ESR1: variants seen among roughly 807,000 people sequenced by gnomAD.
ESR1 encodes estrogen receptor 1.
Under a neutral mutation model 52.7 loss-of-function variants are expected in ESR1, and 12 were observed. The ratio of observed to expected loss-of-function variants is 0.23; its 90% CI spans 0.15 to 0.37. ESR1 has a LOEUF of 0.37. Ranked by LOEUF, ESR1 falls within the 10% of genes least tolerant of loss-of-function variation. The probability of loss-of-function intolerance (pLI) is 1.00; values close to 1 mark genes in which losing one functional copy is unlikely to be tolerated. For missense variants in ESR1, 584 were observed against 779.7 expected (o/e 0.75, Z 2.99); for synonymous variants, 305 against 316.8 (o/e 0.96, Z 0.39).
intron 3 of ESR1, among the ~76,000 whole-genome samples, chr6:151,938,668 T>G (rs1562569857): frequency 6.6e-6 from 1 of 152,176 alleles, no homozygotes; most frequent in Non-Finnish European, 1.5e-5. Context: ...TCATTCCTAT[T>G]GCCTGAGTTT....
chr6:151,894,470 T>C (rs574113625), intron 3 of ESR1, among the ~76,000 whole-genome samples: 56 of 152,348 alleles, frequency 3.7e-4, no homozygotes, highest in African/African-American at 1.2e-3. Flanking sequence ...CCTAAGCCCA[T>C]GTCTAGAAGG....
At chr6:151,692,362 A>G (rs976847951) in intron 1 of ESR1, among the ~76,000 whole-genome samples, 2 of 152,160 alleles carry the variant, frequency 1.3e-5, no homozygotes, top group African/African-American at 4.8e-5. Flanking sequence ...CATTTATCCT[A>G]GTTGCTCAGA....
rs961590480 is a variant in ESR1, at chr6:152,053,423, T to G, written c.1236-7568T>G. 2.0e-5 allele frequency among the ~76,000 whole-genome samples: 3 copies of G among 152,046 alleles called. No individual in the cohort carries two copies. Among genetic ancestry groups the G allele is most frequent in the Admixed American group, 2.0e-4 (3 of 15,262 alleles). ...GCCCCTTCCTCCTTCTGTCTCTCCCTCTCTCTTTCAATCTTTCTCTCCCTC... is the reference window on the plus strand; with the variant it reads ...GCCCCTTCCTCCTTCTGTCTCTCCCGCTCTCTTTCAATCTTTCTCTCCCTC... On this transcript the variant is annotated intron_variant, in intron 5 of 7. Transcript: ENST00000206249. The surrounding 1 kb of genome is among the most constrained non-coding windows in gnomAD (Gnocchi z 4.1).
intron 4 of ESR1, among the ~76,000 whole-genome samples, chr6:151,998,506 G>C (rs549486484): frequency 3.9e-5 from 6 of 152,058 alleles, no homozygotes; most frequent in Non-Finnish European, 8.8e-5. Context: ...CCTTCCTAGT[G>C]AGTCTAGCAC....
intron 1 of ESR1, among the ~76,000 whole-genome samples, chr6:151,659,960 T>C (rs907110202): frequency 9.9e-5 from 15 of 152,212 alleles, no homozygotes; most frequent in Non-Finnish European, 2.2e-4. Flanking sequence ...ATATCTTTAT[T>C]TAATATGGTA....
rs147713799 is a variant in ESR1 at position 152,018,532 on chromosome 6, T to G, written c.1235+6738T>G. 7.3e-3 allele frequency among the ~76,000 whole-genome samples: 1,115 copies of G among 151,904 alleles called. 13 individuals carry two copies. Among genetic ancestry groups the G allele is most frequent in the African/African-American group, 0.025 (1,017 of 41,384 alleles). On this transcript the variant is annotated intron_variant, in intron 5 of 7. Coordinates refer to ENST00000206249, the MANE Select transcript of ESR1 (RefSeq NM_000125.4). Reference sequence around the variant, plus strand: ...TATATTCCCTCTTCAAATTCTCCCCTCTGAAAAATGGGTGGTACACTCAAA... The same window carrying G: ...TATATTCCCTCTTCAAATTCTCCCCGCTGAAAAATGGGTGGTACACTCAAA...
chr6:151,957,415 C>T lies in ESR1; in HGVS notation c.1096+12907C>T, dbSNP rs1365121706. 4.6e-5 allele frequency among the ~76,000 whole-genome samples: 7 copies of T among 152,138 alleles called. No homozygotes were observed. The East Asian group carries it at 7.7e-4, about 17-fold the overall frequency. On this transcript the variant is annotated intron_variant, in intron 4 of 7. Coordinates refer to ENST00000206249, the MANE Select transcript of ESR1 (RefSeq NM_000125.4). The stretch of plus-strand genomic sequence containing the variant: ...ACCAGTTTCTAAAAAGCATTTTAAA[C>T]ATTCAGCTTGTGTATTTCTTTTCAC...
intron 5 of ESR1, among the ~76,000 whole-genome samples, chr6:152,030,507 A>T (rs894956530): frequency 6.6e-6 from 1 of 152,194 alleles, no homozygotes; most frequent in African/African-American, 2.4e-5. Context: ...GTTAAAACAG[A>T]CTTTAAACCA....
chr6:151,724,475 C>T (rs1781695399), intron 2 of ESR1, among the ~76,000 whole-genome samples: 1 of 152,004 alleles, frequency 6.6e-6, no homozygotes, highest in Non-Finnish European at 1.5e-5. Context: ...CACCCGATTA[C>T]CCTAGAGATA....
intron 4 of ESR1, among the ~76,000 whole-genome samples, chr6:151,981,596 C>A (rs2039998097): frequency 6.6e-6 from 1 of 152,150 alleles, no homozygotes; most frequent in African/African-American, 2.4e-5. Flanking sequence ...TGTTTGATGG[C>A]CTATCACATT....
intron 2 of ESR1, among the ~76,000 whole-genome samples, chr6:151,873,145 T>C (rs1791253454): frequency 6.6e-6 from 1 of 152,192 alleles, no homozygotes; most frequent in African/African-American, 2.4e-5. Context: ...AGCTTGCCCT[T>C]TGGAGAAGCT....
intron 3 of ESR1, among the ~76,000 whole-genome samples, chr6:151,882,793 G>A (rs1282982597): frequency 6.6e-6 from 1 of 151,836 alleles, no homozygotes; most frequent in African/African-American, 2.4e-5. Flanking sequence ...TCCAGATACG[G>A]TCTGGCTGCA....
intron 3 of ESR1, among the ~76,000 whole-genome samples, chr6:151,910,744 G>T (rs1212448127): frequency 1.3e-5 from 2 of 152,172 alleles, no homozygotes; most frequent in African/African-American, 4.8e-5. Flanking sequence ...GAAAGTAATA[G>T]AATCTCTTAC....
intron 6 of ESR1, among the ~76,000 whole-genome samples, chr6:152,086,448 TATA>T (rs1021409154): frequency 5.4e-5 from 8 of 149,136 alleles, no homozygotes; most frequent in African/African-American, 1.5e-4. Flanking sequence ...TTTAAATAAA[TATA>T]ATATTTCTTA....
chr6:152,127,673 G>A (rs993956189), exon 7 of ESR1: 2 of 152,092 alleles, frequency 1.3e-5, no homozygotes, highest in Non-Finnish European at 2.9e-5. Flanking sequence ...GCTTTCCTTG[G>A]GGCACGGGTG....
At chr6:151,941,452 A>G (rs987823641) in intron 3 of ESR1, among the ~76,000 whole-genome samples, 23 of 152,046 alleles carry the variant, frequency 1.5e-4, no homozygotes, top group African/African-American at 5.6e-4. Context: ...CAAAACTCTG[A>G]CCTCAGAATT....
intron 4 of ESR1, among the ~76,000 whole-genome samples, chr6:151,985,101 C>G (rs2040334678): frequency 6.6e-6 from 1 of 152,106 alleles, no homozygotes; most frequent in Non-Finnish European, 1.5e-5. Context: ...AAACGTGTCA[C>G]TCAGCATAAC....
chr6:151,751,098 C>T (rs1333947478), intron 2 of ESR1, among the ~76,000 whole-genome samples: 1 of 152,154 alleles, frequency 6.6e-6, no homozygotes, highest in African/African-American at 2.4e-5. Flanking sequence ...TTGGCATCAG[C>T]ATTAGTGGCT....
intron 2 of ESR1, among the ~76,000 whole-genome samples, chr6:151,787,266 T>C (rs1787116333): frequency 6.6e-6 from 1 of 152,224 alleles, no homozygotes; most frequent in Non-Finnish European, 1.5e-5. Context: ...TGGTTTGAAG[T>C]TGGATAACAT....
Sources: gnomAD v4.1 joint callset for allele counts (sites outside exome capture counted in the v4.1 genomes callset) on GRCh38, gnomAD v4.1.1 for gene constraint, Gnocchi (gnomAD v3.1) non-coding constraint, MANE v1.5 for transcripts, NCBI Gene and HGNC (gene_info 2026-07-23, HGNC 2026-07-21) for gene names.